YBEY: variants seen among roughly 807,000 people sequenced by gnomAD.
YBEY encodes endoribonuclease YbeY.
YBEY carries 15 observed loss-of-function variants against 13.5 expected under a neutral mutation model. The ratio of observed to expected loss-of-function variants is 1.11; its 90% confidence interval spans 0.75 to 1.72. The LOEUF (loss-of-function observed/expected upper bound fraction) is 1.72, where lower values mean the gene tolerates loss of function less well. YBEY is among the 40% of genes most tolerant of loss of function. The pLI is 0.00. For missense variants in YBEY, 244 were observed against 208.4 expected (o/e 1.17, Z -1.05); for synonymous variants, 101 against 83.1 (o/e 1.21, Z -1.17).
chr21:46,303,745 A>ATATT, the YBEY span, among the ~76,000 whole-genome samples: 1 of 23,820 alleles, frequency 4.2e-5, no homozygotes, highest in African/African-American at 1.7e-4. Context: ...ATATATATAT[A>ATATT]TTTTTTTTTT....
intron 2 of YBEY, among the ~76,000 whole-genome samples, chr21:46,290,104 T>C (rs931627789): frequency 2.6e-5 from 4 of 152,264 alleles, no homozygotes; most frequent in Non-Finnish European, 4.4e-5. Flanking sequence ...TTATCAGGCA[T>C]GGAAGTATGA....
the YBEY span, among the ~76,000 whole-genome samples, chr21:46,309,011 C>A: frequency 6.6e-6 from 1 of 152,158 alleles, no homozygotes; most frequent in Non-Finnish European, 1.5e-5. Context: ...AAATGAATTT[C>A]TTTTCTCTAT....
At chr21:46,302,574 T>C, downstream of YBEY, 5 of 1,610,534 alleles carry the variant, frequency 3.1e-6, no homozygotes, top group African/African-American at 1.3e-5. Context: ...AGCTCCACCA[T>C]GTCTGCAGGG....
chr21:46,302,732 C>T (rs1295566323), downstream of YBEY, among the ~76,000 whole-genome samples: 2 of 150,284 alleles, frequency 1.3e-5, no homozygotes, highest in Non-Finnish European at 3.0e-5. Context: ...TGCGGGTCCC[C>T]GGGGCGCGCC....
At chr21:46,298,577 C>G (rs1310443904), downstream of YBEY, among the ~76,000 whole-genome samples, 1 of 151,098 alleles carries the variant, frequency 6.6e-6, no homozygotes, top group East Asian at 1.9e-4. Flanking sequence ...CTACAGGCGC[C>G]CGCCACCTCG....
the YBEY span, among the ~76,000 whole-genome samples, chr21:46,307,522 G>A: frequency 3.4e-3 from 515 of 152,170 alleles, no homozygotes; most frequent in South Asian, 0.011. Context: ...TGGAAAAATC[G>A]ACAGGTAATA....
the YBEY span, among the ~76,000 whole-genome samples, chr21:46,307,935 C>G: frequency 1.3e-5 from 2 of 152,178 alleles, no homozygotes; most frequent in Admixed American, 1.3e-4. Flanking sequence ...AACTAGAACT[C>G]ACAAACATTA....
downstream of YBEY, chr21:46,302,503 G>C (rs746793396): frequency 1.2e-6 from 2 of 1,611,514 alleles, no homozygotes; most frequent in Non-Finnish European, 1.7e-6. Context: ...CTGGGGGCAG[G>C]GCCTTGAGCA....
chr21:46,297,688 CCGGGGTCG>C lies in YBEY; in HGVS notation c.*56_*63del. The C allele has an allele frequency of 7.9e-7, 1 of 1,271,738 alleles. No individual in the cohort carries two copies. The highest frequency in any genetic ancestry group is 1.0e-6 in the Non-Finnish European group (1 of 998,454). The allele number at this position is 1,271,738 out of a possible 1,614,324, so 78.8% of individuals were successfully genotyped here. A position where few individuals can be genotyped will look rare whatever the true frequency, so the allele number is the denominator to read the frequency against. On this transcript the variant is annotated 3_prime_UTR_variant, in exon 5 of 5. Transcript: ENST00000397701. Reference sequence around the variant, plus strand: ...CGGGAGGGGTGGAGGCTGCGGGGAGCCGGGGTCGCACACGAATAAATAACGAATGAACG... The same window carrying C: ...CGGGAGGGGTGGAGGCTGCGGGGAGCCACACGAATAAATAACGAATGAACG...
chr21:46,296,611 G>A (rs574576440), intron 4 of YBEY, among the ~76,000 whole-genome samples: 2 of 152,190 alleles, frequency 1.3e-5, no homozygotes, highest in Admixed American at 6.5e-5. Context: ...GCCCACGTGG[G>A]CTCCGGTCCA....
At chr21:46,291,041 AC>A (rs1161859053) in intron 2 of YBEY, among the ~76,000 whole-genome samples, 2 of 146,536 alleles carry the variant, frequency 1.4e-5, no homozygotes, top group Non-Finnish European at 1.5e-5. Flanking sequence ...AAAAAGAAAT[AC>A]AAAAATTAGC....
In YBEY at chr21:46,297,528, C is replaced by T. The variant is rs1167822943; in HGVS notation, c.409-11C>T. On this transcript the variant is annotated splice_polypyrimidine_tract_variant and intron_variant, in intron 4 of 4. Transcript: ENST00000397701. Reference sequence around the variant, plus strand: ...TCCCTGGGGAGGGCCAGCGCGCTTCCTTCCTTCCAGATGTTCCAGAAGGAG... The same window carrying T: ...TCCCTGGGGAGGGCCAGCGCGCTTCTTTCCTTCCAGATGTTCCAGAAGGAG... The T allele has an allele frequency of 1.5e-5, 21 of 1,375,360 alleles. No homozygotes were observed. In the African/African-American group the frequency reaches 2.7e-4, roughly 18 times the overall value. 85.2% of individuals were successfully genotyped at this position (1,375,360 alleles called of 1,614,324 possible).
At position 46,296,314 on chromosome 21, in the gene YBEY, T is replaced by TC; in HGVS notation, c.408+85dup. 2.1e-6 allele frequency: 3 copies of TC among 1,456,862 alleles called. No individual in the cohort carries two copies. The South Asian group carries it at 3.4e-5, about 17-fold the overall frequency. 90.2% of individuals were successfully genotyped at this position (1,456,862 alleles called of 1,614,324 possible). On this transcript the variant is annotated intron_variant, in intron 4 of 4. Coordinates refer to ENST00000397701, the MANE Select transcript of YBEY (RefSeq NM_001314025.2). ...GGCCCCTGCCAGCCCCCACCCTCCATCTTGACCGCCCCCGCAGGAACTGGA... is the reference window on the plus strand; with the variant it reads ...GGCCCCTGCCAGCCCCCACCCTCCATCCTTGACCGCCCCCGCAGGAACTGGA...
chr21:46,288,901 G>A (rs2081581191), intron 2 of YBEY, among the ~76,000 whole-genome samples: 1 of 152,038 alleles, frequency 6.6e-6, no homozygotes, highest in Non-Finnish European at 1.5e-5. Flanking sequence ...GTGCAGAGCT[G>A]TCGTCCCAGC....
chr21:46,289,528 C>T (rs1220941254), intron 2 of YBEY, among the ~76,000 whole-genome samples: 4 of 148,434 alleles, frequency 2.7e-5, no homozygotes, highest in African/African-American at 9.8e-5. Flanking sequence ...TCACTGCAAC[C>T]TCCACCTCTC....
chr21:46,304,312 G>A, the YBEY span, among the ~76,000 whole-genome samples: 5 of 151,940 alleles, frequency 3.3e-5, no homozygotes, highest in Non-Finnish European at 5.9e-5. Context: ...TTACAGGCGT[G>A]AGCCACTGCG....
At chr21:46,303,735 ATATATATATATTTT>A in the YBEY span, among the ~76,000 whole-genome samples, 6 of 28,126 alleles carry the variant, frequency 2.1e-4, no homozygotes, top group African/African-American at 2.9e-4. Context: ...ATATATATAT[ATATATATATATTTT>A]TTTTTTTTTT....
chr21:46,297,611 C>A lies in YBEY; in HGVS notation c.481C>A (p.Arg161=). ...RTGTRLQPLT[R]GLFGGS ...GGGGACCCGGCTGCAGCCCCTGACC[C>A]GGGGCCTCTTCGGAGGGAGCTGAGG... Residue 161 remains arginine, a synonymous_variant, in exon 5 of 5, where the codon CGG becomes AGG. Coordinates refer to ENST00000397701, the MANE Select transcript of YBEY (RefSeq NM_001314025.2). The A allele has an allele frequency of 7.3e-7, 1 of 1,363,988 alleles. No individual in the cohort carries two copies. The highest frequency in any genetic ancestry group is 3.0e-5 in the East Asian group (1 of 32,920). 84.5% of individuals were successfully genotyped at this position (1,363,988 alleles called of 1,614,324 possible). A position where few individuals can be genotyped will look rare whatever the true frequency, so the allele number is the denominator to read the frequency against.
the YBEY span, among the ~76,000 whole-genome samples, chr21:46,310,347 T>G: frequency 2.1e-4 from 32 of 151,140 alleles, no homozygotes; most frequent in African/African-American, 7.1e-4. Context: ...GGCATGGTGG[T>G]GGGCACCAGT....
Sources: gnomAD v4.1 joint callset for allele counts (sites outside exome capture counted in the v4.1 genomes callset) on GRCh38, gnomAD v4.1.1 for gene constraint, MANE v1.5 for transcripts, NCBI Gene and HGNC (gene_info 2026-07-23, HGNC 2026-07-21) for gene names.